KIF26B: variants seen among roughly 807,000 people sequenced by gnomAD.
KIF26B encodes the protein kinesin family member 26B.
Under a neutral mutation model 151.2 loss-of-function variants are expected in KIF26B, and 63 were observed. That is an observed-to-expected ratio of 0.42 (90% CI 0.34 to 0.51). The LOEUF (loss-of-function observed/expected upper bound fraction) is 0.51. Among genes scored for constraint, KIF26B ranks in the 20% least tolerant of loss-of-function variants. KIF26B has a pLI of 0.07. For synonymous variants in KIF26B, 1,357 were observed against 1,262.1 expected (o/e 1.08, Z -1.59); for missense variants, 2,813 against 2,913.6 (o/e 0.97, Z 0.79).
rs1378990386 is a variant in KIF26B at position 245,244,777 on chromosome 1, C to CACACAAAA, written c.465+88099_465+88100insAAAACACA. On this transcript the variant is annotated intron_variant, in intron 2 of 14. Coordinates refer to ENST00000407071, the MANE Select transcript of KIF26B (RefSeq NM_018012.4). This position sits in a 1 kb window ranked among gnomAD's most constrained non-coding sequence, Gnocchi z 4.2. ...ACACTCACACACACACACACACACA[C>CACACAAAA]ACACACACACACACAGAACTGCTTT... Among the ~76,000 whole-genome samples the CACACAAAA allele has an allele frequency of 1.3e-5, 2 of 151,064 alleles. No homozygotes were observed. The highest frequency in any genetic ancestry group is 2.9e-5 in the Non-Finnish European group (2 of 67,906).
chr1:245,283,057 T>C (rs919411907), intron 2 of KIF26B: 3 of 195,118 alleles, frequency 1.5e-5, no homozygotes. Context: ...ACAGCTACAA[T>C]GGTGAGTCCA....
At chr1:245,569,377 A>G (rs969561184) in intron 5 of KIF26B, among the ~76,000 whole-genome samples, 3 of 151,980 alleles carry the variant, frequency 2.0e-5, no homozygotes, top group Non-Finnish European at 2.9e-5. Context: ...GGAGGCTGAG[A>G]CGGGAGGATT....
chr1:245,317,891 G>T (rs756754834), intron 2 of KIF26B, among the ~76,000 whole-genome samples: 1 of 152,200 alleles, frequency 6.6e-6, no homozygotes, highest in Non-Finnish European at 1.5e-5. Flanking sequence ...GTTTGCTAAC[G>T]TAGAGTGGCC....
At chr1:245,254,486 T>C (rs1313878304) in intron 2 of KIF26B, among the ~76,000 whole-genome samples, 1 of 152,178 alleles carries the variant, frequency 6.6e-6, no homozygotes, top group Admixed American at 6.5e-5. Context: ...AACACATTCT[T>C]TTCGAATGAT....
chr1:245,526,428 G>A, intron 4 of KIF26B, among the ~76,000 whole-genome samples: 1 of 152,192 alleles, frequency 6.6e-6, no homozygotes. Context: ...CGACTTCTGT[G>A]TCTGGTACCT....
intron 10 of KIF26B, among the ~76,000 whole-genome samples, chr1:245,651,109 A>AT (rs1053349263): frequency 6.6e-6 from 1 of 152,204 alleles, no homozygotes; most frequent in Non-Finnish European, 1.5e-5. Context: ...GTGTTCCACA[A>AT]AAGCGATGAG....
intron 2 of KIF26B, among the ~76,000 whole-genome samples, chr1:245,172,638 C>T (rs981483281): frequency 3.3e-5 from 5 of 152,102 alleles, no homozygotes; most frequent in African/African-American, 7.2e-5. Flanking sequence ...GGTGAAACCC[C>T]ATCTCTACTA....
At chr1:245,254,328 G>C (rs559142169) in intron 2 of KIF26B, among the ~76,000 whole-genome samples, 3 of 152,162 alleles carry the variant, frequency 2.0e-5, no homozygotes, top group Admixed American at 1.3e-4. Context: ...GCTGGATATC[G>C]TACCCAGAAC....
At chr1:245,261,223 G>A (rs1034773401) in intron 2 of KIF26B, among the ~76,000 whole-genome samples, 3 of 151,414 alleles carry the variant, frequency 2.0e-5, no homozygotes, top group Admixed American at 6.6e-5. Context: ...TCGGCTCACC[G>A]CAACCTCCGT....
intron 5 of KIF26B, among the ~76,000 whole-genome samples, chr1:245,561,919 C>G (rs1246588739): frequency 6.6e-6 from 1 of 152,164 alleles, no homozygotes; most frequent in African/African-American, 2.4e-5. Flanking sequence ...TTCTCAGTCT[C>G]CATCCCAAGG....
intron 2 of KIF26B, among the ~76,000 whole-genome samples, chr1:245,288,459 T>G (rs1223034809): frequency 6.6e-6 from 1 of 152,222 alleles, no homozygotes; most frequent in Non-Finnish European, 1.5e-5. Flanking sequence ...TGATAGCTGA[T>G]GCCAAAGAGT....
At chr1:245,182,640 A>G (rs112947931) in intron 2 of KIF26B, among the ~76,000 whole-genome samples, 16,821 of 151,948 alleles carry the variant, frequency 0.11, 1,011 homozygotes, top group Middle Eastern at 0.13. Context: ...ACATTTTGAG[A>G]AACTTTTTTT....
intron 2 of KIF26B, among the ~76,000 whole-genome samples, chr1:245,198,943 C>T (rs1352790632): frequency 3.1e-3 from 1 of 326 alleles, no homozygotes; most frequent in Non-Finnish European, 6.3e-3. Flanking sequence ...CCTGCGGCAG[C>T]GTCGGGGGAG....
At chr1:245,169,796 T>G (rs1668680152) in intron 2 of KIF26B, among the ~76,000 whole-genome samples, 3 of 152,142 alleles carry the variant, frequency 2.0e-5, no homozygotes, top group African/African-American at 7.2e-5. Flanking sequence ...TCCTCCATAA[T>G]GCCCCTTTAT....
chr1:245,416,112 C>CA (rs375247191), intron 3 of KIF26B, among the ~76,000 whole-genome samples: 1,669 of 124,812 alleles, frequency 0.013, 52 homozygotes, highest in African/African-American at 0.04. Flanking sequence ...AGTAAAAATA[C>CA]AAAAAAAAAA....
intron 4 of KIF26B, among the ~76,000 whole-genome samples, chr1:245,515,437 G>A (rs745912263): frequency 5.9e-5 from 9 of 152,102 alleles, no homozygotes; most frequent in Non-Finnish European, 1.2e-4. Context: ...AATGTTTCCC[G>A]AACGGATACG....
intron 5 of KIF26B, among the ~76,000 whole-genome samples, chr1:245,599,964 C>T (rs1312416096): frequency 6.6e-6 from 1 of 151,880 alleles, no homozygotes; most frequent in Non-Finnish European, 1.5e-5. Flanking sequence ...CTCTGTCTGT[C>T]GGGAATCCCC....
At position 245,686,477 on chromosome 1, in the gene KIF26B, A is replaced by T; in HGVS notation, c.3494A>T (p.Lys1165Met). ...EQQAATPSES[K>M]KEILSTTMVT... ...CAGGCAGCTACTCCTTCAGAGTCCAAGAAGGAGATCCTGAGCACCACGATG... is the reference window on the plus strand; with the variant it reads ...CAGGCAGCTACTCCTTCAGAGTCCATGAAGGAGATCCTGAGCACCACGATG... The change falls in exon 12 of 15, where the codon AAG (lysine) becomes ATG (methionine). Residue 1165 changes from lysine to methionine, a missense_variant. By Grantham distance (95) the Lys-to-Met change is moderately conservative. Coordinates refer to ENST00000407071, the MANE Select transcript of KIF26B (RefSeq NM_018012.4). The surrounding 1 kb of genome is among the most constrained non-coding windows in gnomAD (Gnocchi z 5.6). The T allele has an allele frequency of 5.6e-6, 9 of 1,613,162 alleles. No homozygotes were observed. Among genetic ancestry groups the T allele is most frequent in the Non-Finnish European group, 7.6e-6 (9 of 1,179,874 alleles).
At chr1:245,487,103 G>GGGT (rs1553278949) in intron 4 of KIF26B, among the ~76,000 whole-genome samples, 1 of 152,212 alleles carries the variant, frequency 6.6e-6, no homozygotes, top group East Asian at 1.9e-4. Context: ...TGAGAATGGG[G>GGGT]GGGGTGGTTA....
Sources: allele counts gnomAD v4.1 joint callset (sites outside exome capture counted in the v4.1 genomes callset), GRCh38; gene constraint gnomAD v4.1.1; non-coding constraint Gnocchi (gnomAD v3.1); transcripts MANE v1.5; gene names NCBI Gene and HGNC (gene_info 2026-07-23, HGNC 2026-07-21).